Variants in FOXP1 observed in about 807,000 individuals in gnomAD.
FOXP1 encodes forkhead box protein P1.
Under a neutral mutation model 98.2 loss-of-function variants are expected in FOXP1, and 15 were observed. The ratio of observed to expected loss-of-function variants is 0.15; its 90% CI spans 0.10 to 0.24. The LOEUF (loss-of-function observed/expected upper bound fraction) is 0.24. Ranked by LOEUF, FOXP1 falls within the 10% of genes least tolerant of loss-of-function variation. FOXP1 has a pLI of 1.00. For synonymous variants in FOXP1, 371 were observed against 314.5 expected (o/e 1.18, Z -1.90); for missense variants, 633 against 848.5 (o/e 0.75, Z 3.15).
At chr3:71,215,374 T>G (rs1244960715) in intron 5 of FOXP1, among the ~76,000 whole-genome samples, 4 of 152,194 alleles carry the variant, frequency 2.6e-5, no homozygotes, top group Non-Finnish European at 5.9e-5. Context: ...AACATGAAGG[T>G]GATTGTCTAA....
chr3:71,465,967 T>C (rs1360131180), intron 3 of FOXP1, among the ~76,000 whole-genome samples: 1 of 152,160 alleles, frequency 6.6e-6, no homozygotes, highest in South Asian at 2.1e-4. Flanking sequence ...AACAGTTTCA[T>C]CTGGAAACCA....
At chr3:71,370,236 TTGAG>T (rs1380702665) in intron 3 of FOXP1, among the ~76,000 whole-genome samples, 2 of 152,058 alleles carry the variant, frequency 1.3e-5, no homozygotes, top group African/African-American at 4.8e-5. Context: ...GCCAAATAGA[TTGAG>T]TAATACAGAA....
intron 5 of FOXP1, among the ~76,000 whole-genome samples, chr3:71,274,661 T>G (rs1576705739): frequency 6.6e-6 from 1 of 151,650 alleles, no homozygotes; most frequent in Non-Finnish European, 1.5e-5. Flanking sequence ...TCCACGGAGG[T>G]GGAGATAATA....
intron 5 of FOXP1, among the ~76,000 whole-genome samples, chr3:71,207,267 A>G (rs1352984555): frequency 6.8e-6 from 1 of 147,672 alleles, no homozygotes; most frequent in East Asian, 2.0e-4. Flanking sequence ...TTTCATTTCT[A>G]TATTTTCTAT....
At chr3:71,356,119 C>T (rs1288692) in intron 4 of FOXP1, among the ~76,000 whole-genome samples, 32,130 of 148,854 alleles carry the variant, frequency 0.22, 3,919 homozygotes, top group Non-Finnish European at 0.28. Flanking sequence ...CCTGCACGAG[C>T]GAAACCCTAC....
chr3:71,473,253 G>A (rs755771785), intron 3 of FOXP1, among the ~76,000 whole-genome samples: 31 of 152,200 alleles, frequency 2.0e-4, no homozygotes, highest in Admixed American at 4.6e-4. Context: ...CTAGGAAATG[G>A]CAGAACTAGG....
chr3:71,185,194 A>G (rs1282617221), intron 6 of FOXP1, among the ~76,000 whole-genome samples: 1 of 145,070 alleles, frequency 6.9e-6, no homozygotes, highest in African/African-American at 2.8e-5. Flanking sequence ...CTCCGTCTCA[A>G]AAAAAAAAAG....
At chr3:71,580,749 T>C in intron 2 of FOXP1, 1 of 981,248 alleles carries the variant, frequency 1.0e-6, no homozygotes, top group Non-Finnish European at 1.2e-6. Flanking sequence ...GAAAAATTCC[T>C]TTAAATATCC....
chr3:71,513,809 T>C (rs1389087073), intron 2 of FOXP1, among the ~76,000 whole-genome samples: 1 of 152,122 alleles, frequency 6.6e-6, no homozygotes, highest in Non-Finnish European at 1.5e-5. Context: ...GCTGCAACCA[T>C]AAGACCGGGT....
intron 2 of FOXP1, among the ~76,000 whole-genome samples, chr3:71,569,418 A>G (rs1317979103): frequency 6.6e-6 from 1 of 152,192 alleles, no homozygotes; most frequent in Admixed American, 6.5e-5. Context: ...TGCAGAGACC[A>G]TTTGGTCCTT....
intron 6 of FOXP1, among the ~76,000 whole-genome samples, chr3:71,118,961 A>C (rs2058568506): frequency 6.6e-6 from 1 of 152,172 alleles, no homozygotes; most frequent in African/African-American, 2.4e-5. Flanking sequence ...TCTTTACTAG[A>C]AAAGTCTGTC....
chr3:71,513,555 G>T (rs1054716218), intron 2 of FOXP1, among the ~76,000 whole-genome samples: 2 of 152,126 alleles, frequency 1.3e-5, no homozygotes, highest in Admixed American at 1.3e-4. Context: ...TAGCAAAAGA[G>T]AACTTCTTAA....
chr3:71,001,166 G>A (rs2042076567), intron 12 of FOXP1, 107 bp from the exon 13 acceptor site: 1 of 793,098 alleles, frequency 1.3e-6, no homozygotes, highest in Admixed American at 1.9e-5. Flanking sequence ...TAGCTCCCAG[G>A]AGATAGTAGT....
In FOXP1 at chr3:70,958,323, T is replaced by TGTCA. The variant is rs879794923; in HGVS notation, c.*920_*923dup. ...AGAGTTTGTCTCTCTTTTTTTTTTC[T>TGTCA]GTCATTCATTCTCTTTCTGGCAGGA... On this transcript the variant is annotated 3_prime_UTR_variant, in exon 21 of 21. Coordinates refer to ENST00000649528, the MANE Select transcript of FOXP1 (RefSeq NM_001349338.3). 1.9e-6 allele frequency: 1 copy of TGTCA among 535,408 alleles called. No individual in the cohort carries two copies. Among genetic ancestry groups the TGTCA allele is most frequent in the East Asian group, 3.9e-5 (1 of 25,632 alleles). 33.2% of individuals were successfully genotyped at this position (535,408 alleles called of 1,614,324 possible). A position where few individuals can be genotyped will look rare whatever the true frequency, so the allele number is the denominator to read the frequency against.
chr3:71,138,458 AT>A (rs1169422711), intron 6 of FOXP1, among the ~76,000 whole-genome samples: 3 of 152,216 alleles, frequency 2.0e-5, no homozygotes, highest in African/African-American at 7.2e-5. Context: ...ATTAAAAAAA[AT>A]AAAAGGCCCT....
intron 18 of FOXP1, chr3:70,971,735 G>A (rs527689957): frequency 3.3e-5 from 10 of 303,498 alleles, no homozygotes; most frequent in Non-Finnish European, 5.4e-5. Flanking sequence ...GGGGGATTAT[G>A]GGTTAAGCAC....
At chr3:71,274,468 A>G (rs1009682588) in intron 5 of FOXP1, among the ~76,000 whole-genome samples, 4 of 152,100 alleles carry the variant, frequency 2.6e-5, no homozygotes, top group African/African-American at 9.7e-5. Flanking sequence ...AAGGGGTCCT[A>G]TTAGAAATGG....
chr3:71,290,571 TA>T (rs1309149037), intron 5 of FOXP1, among the ~76,000 whole-genome samples: 2 of 152,110 alleles, frequency 1.3e-5, no homozygotes, highest in Non-Finnish European at 2.9e-5. Context: ...GCGATCCATT[TA>T]AAAAGCATGA....
At chr3:71,309,591 C>T (rs1258121099) in intron 4 of FOXP1, among the ~76,000 whole-genome samples, 1 of 152,134 alleles carries the variant, frequency 6.6e-6, no homozygotes, top group African/African-American at 2.4e-5. Flanking sequence ...TCAACCTTAT[C>T]CCCACCCCCT....
Sources: allele counts gnomAD v4.1 joint callset (sites outside exome capture counted in the v4.1 genomes callset), GRCh38; gene constraint gnomAD v4.1.1; transcripts MANE v1.5; gene names NCBI Gene and HGNC (gene_info 2026-07-23, HGNC 2026-07-21).